Variants in NRG1 observed in about 807,000 individuals in gnomAD.
NRG1 encodes pro-neuregulin-1, membrane-bound isoform.
A neutral mutation model predicts 63.8 loss-of-function variants in NRG1; 18 were observed. That is an observed-to-expected ratio of 0.28 (90% CI 0.19 to 0.42). The LOEUF (loss-of-function observed/expected upper bound fraction) is 0.42. Among genes scored for constraint, NRG1 ranks in the 10% least tolerant of loss-of-function variants. The probability of loss-of-function intolerance (pLI) is 1.00; values close to 1 mark genes in which losing one functional copy is unlikely to be tolerated. For missense variants in NRG1, 762 were observed against 814.7 expected, an observed-to-expected ratio of 0.94 and a Z score of 0.79; for synonymous variants, 302 against 301.3, an observed-to-expected ratio of 1.00 and a Z score of -0.02.
intron 1 of NRG1, among the ~76,000 whole-genome samples, chr8:31,818,825 A>G (rs1444843759): frequency 1.3e-5 from 2 of 152,050 alleles, no homozygotes; most frequent in Non-Finnish European, 2.9e-5. Flanking sequence ...TGGGAGGTCG[A>G]GGGGGGCAGA....
At chr8:32,507,541 G>A (rs35642099) in intron 1 of NRG1, among the ~76,000 whole-genome samples, 8,032 of 152,220 alleles carry the variant, frequency 0.053, 284 homozygotes, top group Middle Eastern at 0.085. Context: ...TAAACAGCAT[G>A]AGGGAGAATT....
chr8:32,038,350 A>G (rs10954819), intron 1 of NRG1, among the ~76,000 whole-genome samples: 120,629 of 151,942 alleles, frequency 0.79, 53,837 homozygotes, highest in East Asian at 0.99. Context: ...GGGTACCTCA[A>G]TTGAAGATGC....
rs537973625 is a variant in NRG1, at chr8:31,911,962, T to C, written c.37+272531T>C. ...GACTTGGTTTGCAGTCCCGGATTCA[T>C]TGGTTATTGGTTGCTTAAACTTGGG... On this transcript the variant is annotated intron_variant, in intron 1 of 10. Coordinates refer to the NRG1 transcript ENST00000519301. Among the ~76,000 whole-genome samples the C allele has an allele frequency of 2.0e-5, 3 of 152,318 alleles. No homozygotes were observed. The East Asian group carries it at 5.8e-4, about 29-fold the overall frequency.
At chr8:31,991,539 T>A (rs1348758999) in intron 1 of NRG1, among the ~76,000 whole-genome samples, 1 of 151,954 alleles carries the variant, frequency 6.6e-6, no homozygotes, top group Non-Finnish European at 1.5e-5. Context: ...ACAAGTGTGT[T>A]AATATATTTG....
chr8:32,759,986 T>TCC (rs1830402717), intron 10 of NRG1, among the ~76,000 whole-genome samples: 1 of 152,186 alleles, frequency 6.6e-6, no homozygotes, highest in Non-Finnish European at 1.5e-5. Flanking sequence ...GACAAGTGAA[T>TCC]ATACTGTATC....
chr8:32,592,628 AAAG>A (rs1303092307), intron 1 of NRG1, among the ~76,000 whole-genome samples: 1 of 152,190 alleles, frequency 6.6e-6, no homozygotes, highest in Non-Finnish European at 1.5e-5. Context: ...TAGAGAGAGA[AAAG>A]AAGGAAAGAG....
At chr8:31,796,761 T>C (rs1358253164) in intron 1 of NRG1, among the ~76,000 whole-genome samples, 1 of 152,152 alleles carries the variant, frequency 6.6e-6, no homozygotes, top group African/African-American at 2.4e-5. Flanking sequence ...TATTCTTAAC[T>C]GTCCTTTTGT....
intron 1 of NRG1, among the ~76,000 whole-genome samples, chr8:31,808,828 A>G (rs1322627910): frequency 2.0e-5 from 3 of 151,986 alleles, no homozygotes; most frequent in Admixed American, 6.6e-5. Context: ...TGCAGCAGAG[A>G]TTTTTTTAGA....
chr8:32,526,035 A>G (rs1830806636), intron 1 of NRG1, among the ~76,000 whole-genome samples: 1 of 152,166 alleles, frequency 6.6e-6, no homozygotes, highest in South Asian at 2.1e-4. Context: ...ATTGCTATAT[A>G]ACAAATTACC....
Position 31,662,448 on chromosome 8 carries a change from G to C in NRG1, c.37+23017G>C, listed in dbSNP as rs1397305280. ...GTTCCCAGCATTATTTTAAAAAGAT[G>C]AAGAAAAGAATGTTGAAGTCTTTGC... is the stretch of plus-strand genomic sequence containing the variant. On this transcript the variant is annotated intron_variant, in intron 1 of 10. Coordinates refer to the NRG1 transcript ENST00000519301. Among the ~76,000 whole-genome samples, 6 of 152,196 alleles carry C rather than the reference G, an allele frequency of 3.9e-5. No homozygotes were observed. The East Asian group carries it at 9.6e-4, about 24-fold the overall frequency.
In NRG1 at chr8:32,330,255, G is replaced by A. The variant is rs150723956; in HGVS notation, c.38-265573G>A. Among the ~76,000 whole-genome samples, 340 of 152,158 alleles carry A rather than the reference G, an allele frequency of 2.2e-3. 2 individuals carry two copies. The highest frequency in any genetic ancestry group is 8.0e-3 in the African/African-American group (330 of 41,508). ...TTTAGATGGATGGAGCACTTGATTA[G>A]ATCAGGAGTCAAAATTCTATTCCTG... On this transcript the variant is annotated intron_variant, in intron 1 of 10. Coordinates refer to the NRG1 transcript ENST00000519301.
intron 1 of NRG1, among the ~76,000 whole-genome samples, chr8:32,453,987 A>G (rs1183475782): frequency 6.6e-6 from 1 of 152,196 alleles, no homozygotes; most frequent in Non-Finnish European, 1.5e-5. Flanking sequence ...TTTCTCTAAG[A>G]AGATAGCCTG....
intron 1 of NRG1, among the ~76,000 whole-genome samples, chr8:32,560,653 T>C (rs990992505): frequency 1.1e-4 from 16 of 152,208 alleles, no homozygotes; most frequent in Admixed American, 7.2e-4. Flanking sequence ...ATTTTTGTGG[T>C]TGAAATTTGC....
intron 1 of NRG1, among the ~76,000 whole-genome samples, chr8:31,888,424 AT>A (rs1055239240): frequency 1.3e-5 from 2 of 151,548 alleles, no homozygotes; most frequent in East Asian, 1.9e-4. Context: ...AACATTTTCA[AT>A]TTTTTTTTCT....
At chr8:31,785,013 T>C (rs1820042489) in intron 1 of NRG1, among the ~76,000 whole-genome samples, 1 of 152,184 alleles carries the variant, frequency 6.6e-6, no homozygotes, top group African/African-American at 2.4e-5. Flanking sequence ...GAGCAGGGAC[T>C]CTGTTCATTC....
At position 31,640,680 on chromosome 8, in the gene NRG1, G is replaced by C; in HGVS notation, c.37+1249G>C. ...GAGCCTCTTTCCCCCCTCTGGAGAC[G>C]GGCCGGAACCTCAAGAAGGAGGTCA... On this transcript the variant is annotated intron_variant, in intron 1 of 10. Transcript: ENST00000519301. The surrounding 1 kb of genome is among the most constrained non-coding windows in gnomAD (Gnocchi z 6.3). 11 of 1,607,352 alleles carry C rather than the reference G, an allele frequency of 6.8e-6. No homozygotes were observed. Among genetic ancestry groups the C allele is most frequent in the Middle Eastern group, 1.7e-4 (1 of 5,970 alleles).
chr8:31,987,166 A>C (rs1841803), intron 1 of NRG1, among the ~76,000 whole-genome samples: 108,628 of 151,424 alleles, frequency 0.72, 40,292 homozygotes, highest in Non-Finnish European at 0.82. Context: ...GGCATGGTGG[A>C]GGCTGTGCTT....
chr8:32,183,947 A>G (rs1214724828), intron 1 of NRG1, among the ~76,000 whole-genome samples: 1 of 152,088 alleles, frequency 6.6e-6, no homozygotes, highest in Non-Finnish European at 1.5e-5. Context: ...ACCCTTGTGT[A>G]GTTTCAGTTG....
intron 1 of NRG1, among the ~76,000 whole-genome samples, chr8:32,485,049 C>G (rs987505829): frequency 1.3e-5 from 2 of 152,132 alleles, no homozygotes; most frequent in African/African-American, 2.4e-5. Context: ...AAATTGAAAT[C>G]CTTCTTGGCT....
Sources: gnomAD v4.1 joint callset for allele counts (sites outside exome capture counted in the v4.1 genomes callset) on GRCh38, gnomAD v4.1.1 for gene constraint, Gnocchi (gnomAD v3.1) non-coding constraint, MANE v1.5 for transcripts, NCBI Gene and HGNC (gene_info 2026-07-23, HGNC 2026-07-21) for gene names.